ZFC3H1: variants seen among roughly 807,000 people sequenced by gnomAD.
The protein encoded by ZFC3H1 is zinc finger C3H1 domain-containing protein.
A neutral mutation model predicts 243.7 loss-of-function variants in ZFC3H1; 71 were observed. The observed-to-expected ratio is 0.29, with a 90% CI of 0.24 to 0.36. The LOEUF (loss-of-function observed/expected upper bound fraction) is 0.36, where lower values mean the gene tolerates loss of function less well. Ranked by LOEUF, ZFC3H1 falls within the 10% of genes least tolerant of loss-of-function variation. The pLI is 1.00. For synonymous variants in ZFC3H1, 838 were observed against 813.0 expected, an observed-to-expected ratio of 1.03 and a Z score of -0.52; for missense variants, 1,966 against 2,317.1, an observed-to-expected ratio of 0.85 and a Z score of 3.11.
intron 1 of ZFC3H1, 29 bp from the exon 2 acceptor site, chr12:71,657,330 C>A: frequency 1.4e-6 from 2 of 1,413,512 alleles, no homozygotes; most frequent in Non-Finnish European, 1.9e-6. Flanking sequence ...AAACCAGTTT[C>A]CAAAAATTTT....
rs182179073 is a variant in ZFC3H1, at chr12:71,611,688, T to C, written c.5729+98A>G. Reference sequence around the variant, plus strand: ...AAAAAAAAAAAAAAATATATATATATATATATATATAGATGTCATTTCAGA... The same window carrying C: ...AAAAAAAAAAAAAAATATATATATACATATATATATAGATGTCATTTCAGA... On this transcript the variant is annotated intron_variant, in intron 32 of 34. Transcript: ENST00000378743. The C allele has an allele frequency of 3.8e-4, 75 of 196,206 alleles. 1 individual carries two copies. The East Asian group carries it at 7.8e-3, about 20-fold the overall frequency. 12.2% of individuals were successfully genotyped at this position (196,206 alleles called of 1,614,324 possible). A position where few individuals can be genotyped will look rare whatever the true frequency, so the allele number is the denominator to read the frequency against.
Position 71,634,529 on chromosome 12 carries a change from C to T in ZFC3H1, c.2360+175G>A, listed in dbSNP as rs549324254. Among the ~76,000 whole-genome samples, 4 of 152,240 alleles carry T rather than the reference C, an allele frequency of 2.6e-5. No homozygotes were observed. In the South Asian group the frequency reaches 8.3e-4, roughly 32 times the overall value. ...GCTGGTTATGTCCTAGCACATCACT[C>T]TATTCAAGTGTATGTATGACCATCC... On this transcript the variant is annotated intron_variant, in intron 11 of 34. Transcript: ENST00000378743.
intron 1 of ZFC3H1, among the ~76,000 whole-genome samples, chr12:71,662,766 T>C (rs985948721): frequency 6.6e-6 from 1 of 152,180 alleles, no homozygotes; most frequent in African/African-American, 2.4e-5. Flanking sequence ...AAATCAGACT[T>C]AACTGTCTTA....
At chr12:71,651,845 G>C (rs1880893835) in intron 2 of ZFC3H1, among the ~76,000 whole-genome samples, 1 of 152,174 alleles carries the variant, frequency 6.6e-6, no homozygotes, top group South Asian at 2.1e-4. Context: ...AATAAATAAA[G>C]CAAGGTCCCA....
chr12:71,636,068 T>C (rs761687694), intron 9 of ZFC3H1, among the ~76,000 whole-genome samples: 2 of 152,130 alleles, frequency 1.3e-5, no homozygotes, highest in African/African-American at 2.4e-5. Context: ...ATAAACATCA[T>C]AAATAATTTC....
In ZFC3H1 at chr12:71,645,166, G is replaced by A. The variant is rs551508817; in HGVS notation, c.1081-91C>T. On this transcript the variant is annotated intron_variant, in intron 3 of 34. Coordinates refer to ENST00000378743, the MANE Select transcript of ZFC3H1 (RefSeq NM_144982.5). ...GTCAAATCCTTTATGATAAAAATTT[G>A]AAGTGTGAAGGCAAATATGACAAGG... 2.4e-5 allele frequency: 31 copies of A among 1,267,406 alleles called. No homozygotes were observed. In the East Asian group the frequency reaches 7.4e-4, roughly 30 times the overall value. 78.5% of individuals were successfully genotyped at this position (1,267,406 alleles called of 1,614,324 possible). A position where few individuals can be genotyped will look rare whatever the true frequency, so the allele number is the denominator to read the frequency against.
intron 2 of ZFC3H1, among the ~76,000 whole-genome samples, chr12:71,656,044 G>C (rs1000736271): frequency 6.6e-6 from 1 of 152,154 alleles, no homozygotes; most frequent in African/African-American, 2.4e-5. Context: ...GCAATATACT[G>C]TATGATTCCA....
At chr12:71,631,620 G>A (rs992808943) in intron 16 of ZFC3H1, among the ~76,000 whole-genome samples, 158 bp downstream of exon 16, 4 of 151,992 alleles carry the variant, frequency 2.6e-5, no homozygotes, top group South Asian at 2.1e-4. Flanking sequence ...TGAGCCCAAC[G>A]GCAGGACACT....
At chr12:71,656,765 A>G in intron 2 of ZFC3H1, 120 bp downstream of exon 2, 1 of 1,041,980 alleles carries the variant, frequency 9.6e-7, no homozygotes, top group Non-Finnish European at 1.4e-6. Flanking sequence ...GTCTACATAG[A>G]AAGTACAAAA....
intron 6 of ZFC3H1, chr12:71,639,550 C>A: frequency 6.0e-6 from 1 of 167,542 alleles, no homozygotes; most frequent in South Asian, 1.4e-4. Context: ...AGAGGGTGGA[C>A]CTAGTGAGTG....
intron 4 of ZFC3H1, 49 bp downstream of exon 4, chr12:71,644,818 CAAAAAACAAA>C: frequency 6.4e-7 from 1 of 1,567,410 alleles, no homozygotes; most frequent in Non-Finnish European, 8.6e-7. Flanking sequence ...AACTCTGTCT[CAAAAAACAAA>C]AGAAAAGAAA....
In ZFC3H1 at chr12:71,628,967, A is replaced by T. The variant is rs79109432; in HGVS notation, c.3897T>A (p.Asp1299Glu). ...GTTCCTCATCACTACTGAAGCTATT[A>T]TCTGAAATAGGTTTTCTCCAAAACT... ...KPKFWRKPISDNSFSSDEEQS... is the reference protein window; with the variant it reads ...KPKFWRKPISENSFSSDEEQS... Residue 1299 changes from aspartate to glutamate, a missense_variant, in exon 20 of 35, where the codon GAT becomes GAA. By Grantham distance (45) the Asp-to-Glu change is conservative. This residue lies in a region of ZFC3H1 where 1,383 missense variants were observed against 1,723.7 expected (regional missense o/e 0.80). Coordinates refer to ENST00000378743, the MANE Select transcript of ZFC3H1 (RefSeq NM_144982.5). The T allele has an allele frequency of 2.3e-4, 373 of 1,613,212 alleles. 2 individuals carry two copies. The East Asian group carries it at 8.0e-3, about 35-fold the overall frequency.
At chr12:71,654,929 A>G (rs1880979840) in intron 2 of ZFC3H1, among the ~76,000 whole-genome samples, 1 of 152,192 alleles carries the variant, frequency 6.6e-6, no homozygotes, top group Admixed American at 6.5e-5. Context: ...AGGCAAAAAC[A>G]TCAGAGATAA....
At chr12:71,611,923 G>A in intron 31 of ZFC3H1, 36 bp from the exon 32 acceptor site, 9 of 1,411,322 alleles carry the variant, frequency 6.4e-6, no homozygotes, top group Non-Finnish European at 8.8e-6. Flanking sequence ...ACAAAGCATT[G>A]CAAGTGTAAC....
Position 71,656,833 on chromosome 12 carries a change from C to T in ZFC3H1, c.1015+52G>A, listed in dbSNP as rs773825446. The T allele has an allele frequency of 6.6e-6, 10 of 1,521,906 alleles. No homozygotes were observed. The African/African-American group carries it at 1.3e-4, about 19-fold the overall frequency. 94.3% of individuals were successfully genotyped at this position (1,521,906 alleles called of 1,614,324 possible). A position where few individuals can be genotyped will look rare whatever the true frequency, so the allele number is the denominator to read the frequency against. On this transcript the variant is annotated intron_variant, in intron 2 of 34. Coordinates refer to ENST00000378743, the MANE Select transcript of ZFC3H1 (RefSeq NM_144982.5). ...AGTACACTGCCAAAACAAGTAGTTA[C>T]TACTTTAGAGGAAGAAGAGTCATTA...
At chr12:71,638,669 C>T (rs1880527121) in intron 6 of ZFC3H1, among the ~76,000 whole-genome samples, 154 bp from the exon 7 acceptor site, 1 of 152,064 alleles carries the variant, frequency 6.6e-6, no homozygotes, top group Non-Finnish European at 1.5e-5. Context: ...CATGAGTCCA[C>T]CTCCAGCCAT....
chr12:71,635,409 C>A, intron 10 of ZFC3H1, 34 bp downstream of exon 10: 2 of 1,548,892 alleles, frequency 1.3e-6, no homozygotes, highest in South Asian at 1.3e-5. Context: ...ATCAAAAGGT[C>A]ATCTTTCTTT....
chr12:71,652,110 T>G (rs1880902074), intron 2 of ZFC3H1, among the ~76,000 whole-genome samples: 1 of 152,088 alleles, frequency 6.6e-6, no homozygotes, highest in Non-Finnish European at 1.5e-5. Flanking sequence ...TCAAGAGATA[T>G]GGAAAAAAGG....
intron 27 of ZFC3H1, among the ~76,000 whole-genome samples, chr12:71,618,222 A>C (rs1395254489): frequency 2.0e-5 from 3 of 151,882 alleles, no homozygotes; most frequent in Admixed American, 6.6e-5. Context: ...GTGAGATCGC[A>C]CCACTGCACC....
Sources: allele counts gnomAD v4.1 joint callset (sites outside exome capture counted in the v4.1 genomes callset), GRCh38; gene constraint gnomAD v4.1.1; regional missense constraint gnomAD v4.1.1; transcripts MANE v1.5; gene names NCBI Gene and HGNC (gene_info 2026-07-23, HGNC 2026-07-21).